Variants in EXOC6B observed in about 807,000 individuals in gnomAD.
The protein encoded by EXOC6B is SEC15 homolog B.
A neutral mutation model predicts 113.5 loss-of-function variants in EXOC6B; 54 were observed. The ratio of observed to expected loss-of-function variants is 0.48; its 90% CI spans 0.38 to 0.60. The LOEUF (loss-of-function observed/expected upper bound fraction) is 0.60. EXOC6B is among the 20% of genes least tolerant of loss of function. The pLI is 0.00. For synonymous variants in EXOC6B, 357 were observed against 339.0 expected (o/e 1.05, Z -0.58); for missense variants, 797 against 977.5 (o/e 0.82, Z 2.46).
rs147882472 is a variant in EXOC6B, at chr2:72,189,427, T to C, written c.2197-5240A>G. ...CATACAAATGCTCATTTTTCCCTCA[T>C]TGGTGATATTAATTTTGATCACCTG... On this transcript the variant is annotated intron_variant, in intron 20 of 21. Transcript: ENST00000272427. 6.4e-4 allele frequency among the ~76,000 whole-genome samples: 97 copies of C among 152,346 alleles called. 1 individual carries two copies. The East Asian group carries it at 0.017, about 26-fold the overall frequency.
At chr2:72,313,021 C>A (rs1055101036) in intron 20 of EXOC6B, among the ~76,000 whole-genome samples, 1 of 151,972 alleles carries the variant, frequency 6.6e-6, no homozygotes, top group Non-Finnish European at 1.5e-5. Context: ...GATTTCTCAG[C>A]CACTTTATTC....
intron 6 of EXOC6B, among the ~76,000 whole-genome samples, chr2:72,679,700 A>C (rs891399743): frequency 6.6e-6 from 1 of 152,214 alleles, no homozygotes; most frequent in Non-Finnish European, 1.5e-5. Context: ...CTCCGAAGAA[A>C]ACAGAAAAGA....
At chr2:72,713,022 T>C (rs1679369935) in intron 6 of EXOC6B, among the ~76,000 whole-genome samples, 1 of 152,210 alleles carries the variant, frequency 6.6e-6, no homozygotes, top group African/African-American at 2.4e-5. Context: ...TTTAATAAAA[T>C]TGAACAACAA....
At chr2:72,453,072 A>G (rs1173215512) in intron 18 of EXOC6B, among the ~76,000 whole-genome samples, 1 of 152,196 alleles carries the variant, frequency 6.6e-6, no homozygotes, top group African/African-American at 2.4e-5. Flanking sequence ...CAACTAGTTT[A>G]CTGTAGCAAA....
intron 18 of EXOC6B, among the ~76,000 whole-genome samples, chr2:72,434,995 G>A (rs1309953377): frequency 6.6e-6 from 1 of 152,074 alleles, no homozygotes; most frequent in Non-Finnish European, 1.5e-5. Flanking sequence ...TAATTGTGAT[G>A]TTAGGGTGTC....
intron 6 of EXOC6B, among the ~76,000 whole-genome samples, chr2:72,606,136 A>G (rs991758720): frequency 1.3e-5 from 2 of 152,192 alleles, no homozygotes; most frequent in East Asian, 3.9e-4. Context: ...TTTATTTTCT[A>G]CATAGGCCAA....
chr2:72,599,314 C>A (rs1670261549), intron 6 of EXOC6B, among the ~76,000 whole-genome samples: 1 of 151,838 alleles, frequency 6.6e-6, no homozygotes. Flanking sequence ...AAGATCATAT[C>A]AAAAAACAAA....
chr2:72,476,008 T>A (rs570631763), intron 17 of EXOC6B, among the ~76,000 whole-genome samples: 1 of 152,334 alleles, frequency 6.6e-6, no homozygotes, highest in East Asian at 1.9e-4. Flanking sequence ...GATAATGCGC[T>A]ATCTGTTGGA....
intron 20 of EXOC6B, among the ~76,000 whole-genome samples, chr2:72,266,613 T>C (rs1286681146): frequency 6.6e-6 from 1 of 152,108 alleles, no homozygotes; most frequent in Non-Finnish European, 1.5e-5. Flanking sequence ...CATTGATCTA[T>C]ATCTCTGTTT....
chr2:72,392,146 C>T (rs1338770810), intron 18 of EXOC6B, among the ~76,000 whole-genome samples: 2 of 152,110 alleles, frequency 1.3e-5, no homozygotes, highest in African/African-American at 4.8e-5. Flanking sequence ...GCTCTGGAGT[C>T]AGGGTTTTCT....
At chr2:72,598,778 C>T (rs978843918) in intron 6 of EXOC6B, among the ~76,000 whole-genome samples, 1 of 152,010 alleles carries the variant, frequency 6.6e-6, no homozygotes, top group African/African-American at 2.4e-5. Flanking sequence ...CAAATCTATA[C>T]TCATGAATTT....
chr2:72,407,901 A>G (rs1693890398), intron 18 of EXOC6B, among the ~76,000 whole-genome samples: 1 of 152,222 alleles, frequency 6.6e-6, no homozygotes, highest in Non-Finnish European at 1.5e-5. Context: ...AGGGTATTCA[A>G]TGAGGAAAAG....
chr2:72,537,973 CTT>C (rs200117521), intron 8 of EXOC6B, among the ~76,000 whole-genome samples: 69 of 139,874 alleles, frequency 4.9e-4, no homozygotes, highest in African/African-American at 6.9e-4. Flanking sequence ...ATGACTAAGA[CTT>C]TTTTTTTTTT....
At chr2:72,665,787 A>G (rs1416387552) in intron 6 of EXOC6B, among the ~76,000 whole-genome samples, 2 of 152,210 alleles carry the variant, frequency 1.3e-5, no homozygotes, top group African/African-American at 2.4e-5. Context: ...GAACTACGCA[A>G]TCAAATCTAT....
chr2:72,640,884 C>T (rs954464925), intron 6 of EXOC6B, among the ~76,000 whole-genome samples: 4 of 152,156 alleles, frequency 2.6e-5, no homozygotes, highest in Non-Finnish European at 5.9e-5. Flanking sequence ...AAGGACATTA[C>T]ATAATGGCAA....
intron 20 of EXOC6B, among the ~76,000 whole-genome samples, chr2:72,278,269 G>C (rs2104658378): frequency 6.6e-6 from 1 of 152,236 alleles, no homozygotes; most frequent in East Asian, 1.9e-4. Flanking sequence ...TCTATTCATT[G>C]CAGAAACACT....
In EXOC6B at chr2:72,498,547, T is replaced by C. The variant is rs745803326; in HGVS notation, c.1244A>G (p.Tyr415Cys). The C allele has an allele frequency of 1.9e-6, 3 of 1,604,344 alleles. No homozygotes were observed. The highest frequency in any genetic ancestry group is 4.5e-5 in the East Asian group (2 of 44,562). The change falls in exon 13 of 22, where the codon TAT (tyrosine) becomes TGT (cysteine). Residue 415 changes from tyrosine (Y) to cysteine (C), a missense_variant. Coordinates refer to ENST00000272427, the MANE Select transcript of EXOC6B (RefSeq NM_015189.3). ...AAAAAGCTGATTTACAGGGAAACCA[T>C]ACACCTGAAACAAAATAAGAAAATC... Reference protein sequence around the residue: ...IVLFADTLQVYGFPVNQLFDM... With the variant: ...IVLFADTLQVCGFPVNQLFDM...
chr2:72,671,789 AAGAAAG>A lies in EXOC6B; in HGVS notation c.669+46308_669+46313del, dbSNP rs1173255376. 1.3e-3 allele frequency among the ~76,000 whole-genome samples: 148 copies of A among 116,488 alleles called. 1 individual carries two copies. The highest frequency in any genetic ancestry group is 5.8e-3 in the African/African-American group (133 of 23,036). The allele number at this position is 116,488 out of a possible 152,430, so 76.4% of individuals were successfully genotyped here. On this transcript the variant is annotated intron_variant, in intron 6 of 21. Transcript: ENST00000272427. Reference sequence around the variant, plus strand: ...AAAGAAAGAAAGAAAGAAAGAAAGAAAGAAAGAAAGAAAGAAAGAAAGAAAGAAAGA... The same window carrying A: ...AAAGAAAGAAAGAAAGAAAGAAAGAAAAAGAAAGAAAGAAAGAAAGAAAGA...
At chr2:72,730,620 A>ACACACACACACG (rs1491329474) in intron 5 of EXOC6B, among the ~76,000 whole-genome samples, 1 of 140,590 alleles carries the variant, frequency 7.1e-6, no homozygotes, top group Non-Finnish European at 1.6e-5. Context: ...ACACACACAC[A>ACACACACACACG]CGCTATTGGT....
Sources: gnomAD v4.1 joint callset for allele counts (sites outside exome capture counted in the v4.1 genomes callset) on GRCh38, gnomAD v4.1.1 for gene constraint, MANE v1.5 for transcripts, NCBI Gene and HGNC (gene_info 2026-07-23, HGNC 2026-07-21) for gene names.